SLIT3: variants seen among roughly 807,000 people sequenced by gnomAD.
The protein encoded by SLIT3 is slit homolog 3 protein.
In SLIT3, 68 loss-of-function variants were observed where a neutral mutation model predicts 184.0. The observed-to-expected ratio is 0.37, with a 90% CI of 0.30 to 0.45. SLIT3 has a LOEUF of 0.45. Ranked by LOEUF, SLIT3 falls within the 20% of genes least tolerant of loss-of-function variation. The probability of loss-of-function intolerance (pLI) is 1.00; values close to 1 mark genes in which losing one functional copy is unlikely to be tolerated. For synonymous variants in SLIT3, 831 were observed against 828.6 expected, an observed-to-expected ratio of 1.00 and a Z score of -0.05; for missense variants, 1,707 against 2,026.0, an observed-to-expected ratio of 0.84 and a Z score of 3.02.
At chr5:168,804,246 G>T (rs919943471) in intron 9 of SLIT3, among the ~76,000 whole-genome samples, 2 of 139,950 alleles carry the variant, frequency 1.4e-5, no homozygotes, top group African/African-American at 5.3e-5. Context: ...GGAGGCAGAG[G>T]TTGCAGTGAG....
At chr5:168,924,867 C>A (rs1761762549) in intron 4 of SLIT3, among the ~76,000 whole-genome samples, 1 of 152,072 alleles carries the variant, frequency 6.6e-6, no homozygotes. Flanking sequence ...CTTCAAGAAA[C>A]CAACGAGCAG....
Position 168,664,252 on chromosome 5 carries a change from C to A in SLIT3, c.*2202G>T, listed in dbSNP as rs1339908930. Reference sequence around the variant, plus strand: ...AACAGGCTGAGCATAGTGGCTCACACCTGTAATCCCAGCATTTTGGGAGAC... The same window carrying A: ...AACAGGCTGAGCATAGTGGCTCACAACTGTAATCCCAGCATTTTGGGAGAC... On this transcript the variant is annotated 3_prime_UTR_variant, in exon 36 of 36. Transcript: ENST00000519560. 1 of 152,174 alleles carries A rather than the reference C, an allele frequency of 6.6e-6. No individual in the cohort carries two copies. The highest frequency in any genetic ancestry group is 2.4e-5 in the African/African-American group (1 of 41,432). The allele number at this position is 152,174 out of a possible 1,614,324, so 9.4% of individuals were successfully genotyped here.
At chr5:169,266,565 G>A (rs1766403705) in intron 1 of SLIT3, among the ~76,000 whole-genome samples, 1 of 152,146 alleles carries the variant, frequency 6.6e-6, no homozygotes, top group African/African-American at 2.4e-5. Context: ...AAGCAGCCTG[G>A]GTTCCTAAGT....
intron 20 of SLIT3, among the ~76,000 whole-genome samples, chr5:168,728,426 T>C (rs2113390030): frequency 6.6e-6 from 1 of 152,074 alleles, no homozygotes; most frequent in South Asian, 2.1e-4. Flanking sequence ...AATATGATGC[T>C]ACCAAAGGAC....
intron 1 of SLIT3, among the ~76,000 whole-genome samples, chr5:169,296,547 A>G (rs374991647): frequency 3.3e-5 from 5 of 152,128 alleles, no homozygotes; most frequent in African/African-American, 1.2e-4. Flanking sequence ...ATGATTCACT[A>G]GCTTGTTCCT....
chr5:168,780,883 C>A (rs943288607), intron 12 of SLIT3, among the ~76,000 whole-genome samples: 17 of 152,148 alleles, frequency 1.1e-4, no homozygotes, highest in Non-Finnish European at 2.5e-4. Context: ...GGGAAGAACC[C>A]AATGACAGCT....
intron 4 of SLIT3, among the ~76,000 whole-genome samples, chr5:169,063,448 G>C (rs1758243913): frequency 6.6e-6 from 1 of 152,202 alleles, no homozygotes; most frequent in Non-Finnish European, 1.5e-5. Flanking sequence ...TCTTGTGGCT[G>C]ACAGGAAGGG....
chr5:168,759,359 T>C (rs376416152), intron 16 of SLIT3, among the ~76,000 whole-genome samples: 1 of 152,368 alleles, frequency 6.6e-6, no homozygotes, highest in Admixed American at 6.5e-5. Flanking sequence ...GTAATACATA[T>C]GGCTGATCCA....
At chr5:168,880,040 T>C (rs1759890935) in intron 5 of SLIT3, among the ~76,000 whole-genome samples, 1 of 152,236 alleles carries the variant, frequency 6.6e-6, no homozygotes, top group African/African-American at 2.4e-5. Flanking sequence ...CCATGGCCTC[T>C]AGCAACTCAC....
intron 6 of SLIT3, 152 bp from the exon 7 acceptor site, chr5:168,823,483 C>T (rs1757603872): frequency 1.4e-6 from 1 of 725,912 alleles, no homozygotes; most frequent in South Asian, 1.5e-5. Context: ...GACAAGTGGA[C>T]AGGTCTCCAG....
chr5:169,245,732 A>T (rs919004613), intron 2 of SLIT3, among the ~76,000 whole-genome samples: 1 of 152,206 alleles, frequency 6.6e-6, no homozygotes. Flanking sequence ...ATGGAGAGGA[A>T]GAGCAACCCT....
chr5:168,740,870 A>G (rs191757946), intron 20 of SLIT3, among the ~76,000 whole-genome samples: 16 of 152,318 alleles, frequency 1.1e-4, no homozygotes, highest in African/African-American at 3.6e-4. Context: ...GGCTATCGTC[A>G]TGGCATTTCT....
chr5:169,046,615 T>C (rs902135063), intron 4 of SLIT3, among the ~76,000 whole-genome samples: 1 of 152,172 alleles, frequency 6.6e-6, no homozygotes, highest in Non-Finnish European at 1.5e-5. Flanking sequence ...ACTTTCTCCT[T>C]GCCTTGCACC....
At chr5:169,201,405 A>T (rs976271630) in intron 3 of SLIT3, among the ~76,000 whole-genome samples, 1 of 152,214 alleles carries the variant, frequency 6.6e-6, no homozygotes, top group African/African-American at 2.4e-5. Context: ...ATAGCAAAAC[A>T]TGTACCTCAT....
At chr5:168,829,598 AT>A (rs1201537679) in intron 6 of SLIT3, among the ~76,000 whole-genome samples, 6 of 152,242 alleles carry the variant, frequency 3.9e-5, no homozygotes, top group Non-Finnish European at 8.8e-5. Flanking sequence ...CAGGATATCT[AT>A]TTAATAAAGT....
chr5:169,053,588 C>T (rs1043131525), intron 4 of SLIT3, among the ~76,000 whole-genome samples: 5 of 152,134 alleles, frequency 3.3e-5, no homozygotes, highest in African/African-American at 9.7e-5. Context: ...TTGCACAAAC[C>T]GAAAATCTGG....
intron 14 of SLIT3, among the ~76,000 whole-genome samples, chr5:168,766,468 G>A (rs1281853557): frequency 6.6e-6 from 1 of 152,236 alleles, no homozygotes; most frequent in Admixed American, 6.5e-5. Context: ...CCAGTGGCTG[G>A]AAGATGCCAA....
chr5:168,837,918 G>A lies in SLIT3; in HGVS notation c.557+6666C>T, dbSNP rs560841961. Among the ~76,000 whole-genome samples, 177 of 152,314 alleles carry A rather than the reference G, an allele frequency of 1.2e-3. 1 individual carries two copies. The highest frequency in any genetic ancestry group is 4.0e-3 in the African/African-American group (167 of 41,576). On this transcript the variant is annotated intron_variant, in intron 6 of 35. Transcript: ENST00000519560. ...AAGATGAGCTGGAAGCTGGTTCTATGAGAGGACTCTAACCCCTCCAAAGCT... is the reference window on the plus strand; with the variant it reads ...AAGATGAGCTGGAAGCTGGTTCTATAAGAGGACTCTAACCCCTCCAAAGCT...
At chr5:168,821,687 C>T (rs1011069453) in intron 7 of SLIT3, among the ~76,000 whole-genome samples, 8 of 152,166 alleles carry the variant, frequency 5.3e-5, no homozygotes, top group African/African-American at 9.7e-5. Flanking sequence ...TTTATAATAA[C>T]GAGTATTTGT....
Sources: allele counts gnomAD v4.1 joint callset (sites outside exome capture counted in the v4.1 genomes callset), GRCh38; gene constraint gnomAD v4.1.1; transcripts MANE v1.5; gene names NCBI Gene and HGNC (gene_info 2026-07-23, HGNC 2026-07-21).